The following TBC1D1 variants were observed in gnomAD, a reference collection of about 807,000 sequenced individuals.
TBC1D1 encodes TBC1 domain family member 1.
In TBC1D1, 89 loss-of-function variants were observed where a neutral mutation model predicts 125.6. The observed-to-expected ratio is 0.71, with a 90% CI of 0.60 to 0.85. The LOEUF is 0.85. Ranked by LOEUF, TBC1D1 falls within the 40% of genes least tolerant of loss-of-function variation. The pLI, the probability that TBC1D1 is intolerant of heterozygous loss-of-function variation, is 0.00. For missense variants in TBC1D1, 1,377 were observed against 1,469.2 expected, an observed-to-expected ratio of 0.94 and a Z score of 1.03; for synonymous variants, 565 against 564.1, an observed-to-expected ratio of 1.00 and a Z score of -0.02.
intron 2 of TBC1D1, among the ~76,000 whole-genome samples, chr4:38,004,046 G>C (rs557579034): frequency 6.6e-6 from 1 of 152,144 alleles, no homozygotes. Flanking sequence ...AAGAGGAGTC[G>C]AGGTTCCTAG....
chr4:38,081,249 G>C (rs1323321778), intron 12 of TBC1D1, among the ~76,000 whole-genome samples: 1 of 152,134 alleles, frequency 6.6e-6, no homozygotes, highest in African/African-American at 2.4e-5. Context: ...GGGCGCCATG[G>C]TGCTATAGGC....
At chr4:37,965,605 G>T (rs1730911925) in intron 2 of TBC1D1, among the ~76,000 whole-genome samples, 1 of 152,072 alleles carries the variant, frequency 6.6e-6, no homozygotes, top group Non-Finnish European at 1.5e-5. Context: ...AAGAACTCTA[G>T]ATATTTGGAA....
intron 17 of TBC1D1, among the ~76,000 whole-genome samples, chr4:38,124,411 C>A (rs1487024006): frequency 1.1e-4 from 16 of 152,182 alleles, no homozygotes; most frequent in African/African-American, 3.6e-4. Flanking sequence ...TTCTTGAACT[C>A]CTCAGAGGGA....
chr4:38,005,175 G>C (rs1278215404), intron 2 of TBC1D1, among the ~76,000 whole-genome samples: 1 of 152,180 alleles, frequency 6.6e-6, no homozygotes. Flanking sequence ...GCGGAAAAAG[G>C]GTGTGTAAGA....
rs1299552581 is a variant in TBC1D1, at chr4:37,977,607, C to T, written c.418-36902C>T. 7.1e-6 allele frequency: 3 copies of T among 422,182 alleles called. No homozygotes were observed. The highest frequency in any genetic ancestry group is 1.8e-4 in the South Asian group (2 of 10,858). The allele number at this position is 422,182 out of a possible 1,614,324, so 26.2% of individuals were successfully genotyped here. A position where few individuals can be genotyped will look rare whatever the true frequency, so the allele number is the denominator to read the frequency against. On this transcript the variant is annotated intron_variant, in intron 2 of 19. Coordinates refer to ENST00000261439, the MANE Select transcript of TBC1D1 (RefSeq NM_015173.4). The surrounding 1 kb of genome is among the most constrained non-coding windows in gnomAD (Gnocchi z 4.3). ...GCTGGAACATTTGTAACCTTCGGGCCGGGGCTGGGCCGGGCCGCTGGAGGC... is the reference window on the plus strand; with the variant it reads ...GCTGGAACATTTGTAACCTTCGGGCTGGGGCTGGGCCGGGCCGCTGGAGGC...
chr4:38,103,099 A>C lies in TBC1D1; in HGVS notation c.2499A>C (p.Pro833=), dbSNP rs778206807. 6.2e-7 allele frequency: 1 copy of C among 1,614,174 alleles called. No homozygotes were observed. The highest frequency in any genetic ancestry group is 8.5e-7 in the Non-Finnish European group (1 of 1,180,012). ...GCAAACAGCAGCCAAAGGATGTGCCATACAAAGAACTCTTAAAGCAGCTGA... is the reference window on the plus strand; with the variant it reads ...GCAAACAGCAGCCAAAGGATGTGCCCTACAAAGAACTCTTAAAGCAGCTGA... Residue 833 remains proline (P), a synonymous_variant, in exon 15 of 20, where the codon CCA becomes CCC. Coordinates refer to ENST00000261439, the MANE Select transcript of TBC1D1 (RefSeq NM_015173.4).
At chr4:38,099,527 G>A (rs912106326) in intron 14 of TBC1D1, among the ~76,000 whole-genome samples, 2 of 152,200 alleles carry the variant, frequency 1.3e-5, no homozygotes, top group African/African-American at 4.8e-5. Flanking sequence ...GCTTTGGATG[G>A]TAAATATATG....
intron 3 of TBC1D1, 53 bp from the exon 4 acceptor site, chr4:38,018,301 G>A: frequency 7.9e-7 from 1 of 1,269,546 alleles, no homozygotes; most frequent in South Asian, 1.3e-5. Context: ...TATTTTCATA[G>A]GTCATGAAAT....
At chr4:38,008,867 T>C (rs1220271969) in intron 2 of TBC1D1, among the ~76,000 whole-genome samples, 1 of 152,210 alleles carries the variant, frequency 6.6e-6, no homozygotes, top group East Asian at 1.9e-4. Flanking sequence ...CACATATGCG[T>C]GAGCCTCCTA....
At chr4:38,037,778 T>G (rs570250579) in intron 8 of TBC1D1, among the ~76,000 whole-genome samples, 1 of 152,316 alleles carries the variant, frequency 6.6e-6, no homozygotes, top group East Asian at 1.9e-4. Flanking sequence ...GGAGGCCATA[T>G]GCGCTTTTCA....
At chr4:37,935,025 C>T (rs1724095597) in intron 2 of TBC1D1, among the ~76,000 whole-genome samples, 1 of 152,170 alleles carries the variant, frequency 6.6e-6, no homozygotes, top group South Asian at 2.1e-4. Flanking sequence ...TTGAGCTGGC[C>T]TTGGAGCACC....
chr4:38,111,837 T>C (rs1762250977), intron 15 of TBC1D1: 2 of 648,706 alleles, frequency 3.1e-6, no homozygotes, highest in East Asian at 2.7e-4. Flanking sequence ...TGGACTGTGT[T>C]ACAAAGTCAG....
intron 2 of TBC1D1, among the ~76,000 whole-genome samples, chr4:37,971,550 A>G (rs1215774382): frequency 2.0e-5 from 3 of 152,122 alleles, no homozygotes; most frequent in Non-Finnish European, 4.4e-5. Context: ...CCCACAACTC[A>G]TGGGAATTAT....
In TBC1D1 at chr4:38,028,594, C is replaced by T. The variant is rs191081618; in HGVS notation, c.1302+715C>T. Reference sequence around the variant, plus strand: ...TCATAGAGTGTCCAGGTCAGAATTGCAGATTCCCATCAGGCCTTAGCTTAG... The same window carrying T: ...TCATAGAGTGTCCAGGTCAGAATTGTAGATTCCCATCAGGCCTTAGCTTAG... On this transcript the variant is annotated intron_variant, in intron 7 of 19. Transcript: ENST00000261439. Among the ~76,000 whole-genome samples, 7 of 152,370 alleles carry T rather than the reference C, an allele frequency of 4.6e-5. No homozygotes were observed. The East Asian group carries it at 1.2e-3, about 25-fold the overall frequency.
At chr4:37,967,217 G>A (rs1263876539) in intron 2 of TBC1D1, among the ~76,000 whole-genome samples, 1 of 152,146 alleles carries the variant, frequency 6.6e-6, no homozygotes, top group African/African-American at 2.4e-5. Context: ...AAAGAGGGCC[G>A]GGCACAGTGG....
intron 2 of TBC1D1, among the ~76,000 whole-genome samples, chr4:37,980,920 A>G (rs562162770): frequency 3.3e-5 from 5 of 152,208 alleles, no homozygotes; most frequent in South Asian, 2.1e-4. Flanking sequence ...TGTAAATTAA[A>G]TATTTAAAGA....
chr4:37,893,472 A>G (rs1713816159), intron 1 of TBC1D1, among the ~76,000 whole-genome samples: 1 of 152,140 alleles, frequency 6.6e-6, no homozygotes, highest in Non-Finnish European at 1.5e-5. Flanking sequence ...ATTTCTCAGC[A>G]GTTTTCATCT....
intron 6 of TBC1D1, among the ~76,000 whole-genome samples, chr4:38,026,311 G>C (rs1745074376): frequency 6.6e-6 from 1 of 152,246 alleles, no homozygotes; most frequent in South Asian, 2.1e-4. Flanking sequence ...CTACTTAGAG[G>C]TTGTGGGCTC....
intron 12 of TBC1D1, among the ~76,000 whole-genome samples, chr4:38,075,114 C>T (rs77171888): frequency 1.3e-5 from 2 of 152,220 alleles, no homozygotes; most frequent in East Asian, 1.9e-4. Context: ...TGTTTTTAGT[C>T]CAAGTAAATT....
Sources: gnomAD v4.1 joint callset for allele counts (sites outside exome capture counted in the v4.1 genomes callset) on GRCh38, gnomAD v4.1.1 for gene constraint, Gnocchi (gnomAD v3.1) non-coding constraint, MANE v1.5 for transcripts, NCBI Gene and HGNC (gene_info 2026-07-23, HGNC 2026-07-21) for gene names.